The following SPTAN1 variants were observed in gnomAD, a reference collection of about 807,000 sequenced individuals.
SPTAN1 encodes the protein spectrin alpha chain, non-erythrocytic 1.
Under a neutral mutation model 331.3 loss-of-function variants are expected in SPTAN1, and 61 were observed. The observed-to-expected ratio is 0.18, with a 90% CI of 0.15 to 0.23. The LOEUF (loss-of-function observed/expected upper bound fraction) is 0.23. Among genes scored for constraint, SPTAN1 ranks in the 10% least tolerant of loss-of-function variants. The probability of loss-of-function intolerance (pLI) is 1.00; values close to 1 mark genes in which losing one functional copy is unlikely to be tolerated. For missense variants in SPTAN1, 2,043 were observed against 3,147.9 expected (o/e 0.65, Z 8.40); for synonymous variants, 1,153 against 1,173.9 (o/e 0.98, Z 0.36).
intron 40 of SPTAN1, among the ~76,000 whole-genome samples, chr9:128,613,802 G>A (rs150149688): frequency 1.5e-3 from 222 of 151,138 alleles, no homozygotes; most frequent in Non-Finnish European, 2.0e-3. Flanking sequence ...TCAGGAGTTC[G>A]AGACCACTCC....
Position 128,578,200 on chromosome 9 carries a change from T to C in SPTAN1, c.1176T>C (p.Asp392=), listed in dbSNP as rs758571561. The change falls in exon 9 of 57, where the codon GAT becomes GAC. Residue 392 remains aspartate, a synonymous_variant. Coordinates refer to ENST00000372739, the MANE Select transcript of SPTAN1 (RefSeq NM_001130438.3). ...ALINADELAS[D]VAGAEALLDR... is the part of the protein sequence containing the mutation. Reference sequence around the variant, plus strand: ...TCAATGCAGATGAGCTTGCCAGTGATGTGGCTGGGGCTGAAGCCCTGCTAG... The same window carrying C: ...TCAATGCAGATGAGCTTGCCAGTGACGTGGCTGGGGCTGAAGCCCTGCTAG... The C allele has an allele frequency of 6.2e-6, 10 of 1,614,164 alleles. No individual in the cohort carries two copies. Among genetic ancestry groups the C allele is most frequent in the Non-Finnish European group, 8.5e-6 (10 of 1,180,026 alleles).
chr9:128,608,088 C>A (rs781309417), intron 33 of SPTAN1, 39 bp downstream of exon 33: 4 of 1,614,156 alleles, frequency 2.5e-6, no homozygotes, highest in Non-Finnish European at 3.4e-6. Flanking sequence ...TGTTTCCTTG[C>A]TGAAGGGCCT....
intron 3 of SPTAN1, among the ~76,000 whole-genome samples, 197 bp from the exon 4 acceptor site, chr9:128,574,478 C>CA (rs1173716376): frequency 1.3e-5 from 2 of 151,690 alleles, no homozygotes; most frequent in African/African-American, 4.8e-5. Flanking sequence ...TGAAGACCAC[C>CA]AAAAAACCAC....
Position 128,615,760 on chromosome 9 carries a change from C to G in SPTAN1, c.5277C>G (p.Ala1759=), listed in dbSNP as rs1857089590. ...TCCAGAAGATCAAGAGCATGGCGGC[C>G]TCCCGGCGAGCCAAGCTGAATGAAT... ...GRFQKIKSMA[A]SRRAKLNESH... The change falls in exon 41 of 57, where the codon GCC becomes GCG. Residue 1759 remains alanine, a synonymous_variant. Transcript: ENST00000372739. 6.2e-7 allele frequency: 1 copy of G among 1,614,240 alleles called. No homozygotes were observed. The highest frequency in any genetic ancestry group is 8.5e-7 in the Non-Finnish European group (1 of 1,180,054).
intron 2 of SPTAN1, 116 bp from the exon 3 acceptor site, chr9:128,568,656 T>C: frequency 7.2e-7 from 1 of 1,395,820 alleles, no homozygotes; most frequent in Non-Finnish European, 9.9e-7. Context: ...TGCCAAATGA[T>C]GTATCCCTAA....
intron 23 of SPTAN1, 174 bp from the exon 24 acceptor site, chr9:128,594,001 G>A (rs1031848221): frequency 1.1e-4 from 76 of 691,284 alleles, no homozygotes; most frequent in Admixed American, 3.9e-4. Context: ...AGGCTGTGGC[G>A]TGGGTACTTG....
intron 24 of SPTAN1, among the ~76,000 whole-genome samples, chr9:128,594,949 C>T (rs1036665787): frequency 6.6e-6 from 1 of 151,356 alleles, no homozygotes; most frequent in Admixed American, 6.6e-5. Flanking sequence ...CTCAGCCTCC[C>T]GAGTAGCTCA....
chr9:128,586,324 G>C (rs1852635152), intron 19 of SPTAN1, among the ~76,000 whole-genome samples: 1 of 151,402 alleles, frequency 6.6e-6, no homozygotes, highest in African/African-American at 2.4e-5. Context: ...GTAGAGACAG[G>C]GTCTCGCTAT....
intron 1 of SPTAN1, among the ~76,000 whole-genome samples, chr9:128,565,718 C>A (rs890706368): frequency 6.6e-6 from 1 of 152,146 alleles, no homozygotes; most frequent in Admixed American, 6.6e-5. Context: ...TTGGGATAGA[C>A]GACAGGATAA....
chr9:128,587,881 C>T (rs1367918864), intron 20 of SPTAN1, among the ~76,000 whole-genome samples, 183 bp downstream of exon 20: 6 of 151,996 alleles, frequency 3.9e-5, no homozygotes, highest in Admixed American at 2.0e-4. Flanking sequence ...AGTCTCACTC[C>T]GTCGCCTAGG....
chr9:128,627,737 G>T lies in SPTAN1; in HGVS notation c.6690-188G>T. ...TTGTTAGAGATCCCGGATTGAGTGG[G>T]ACCATGCAGGGCGCGTGGTCAGCCC... On this transcript the variant is annotated intron_variant, in intron 50 of 56. Coordinates refer to ENST00000372739, the MANE Select transcript of SPTAN1 (RefSeq NM_001130438.3). The surrounding 1 kb of genome is among the most constrained non-coding windows in gnomAD (Gnocchi z 4.9). 1 of 830,396 alleles carries T rather than the reference G, an allele frequency of 1.2e-6. No homozygotes were observed. Among genetic ancestry groups the T allele is most frequent in the Non-Finnish European group, 2.1e-6 (1 of 483,020 alleles). 51.4% of individuals were successfully genotyped at this position (830,396 alleles called of 1,614,324 possible).
chr9:128,628,612 G>A (rs1033584176), intron 51 of SPTAN1: 16 of 196,740 alleles, frequency 8.1e-5, no homozygotes, highest in Admixed American at 5.8e-4. Flanking sequence ...CTGCCTGGCC[G>A]GGTCACCTTT....
At chr9:128,593,124 C>A in intron 23 of SPTAN1, 82 bp downstream of exon 23, 1 of 1,441,812 alleles carries the variant, frequency 6.9e-7, no homozygotes, top group Non-Finnish European at 9.6e-7. Flanking sequence ...TCTTGAAGGC[C>A]TTTGTCCATC....
chr9:128,632,483 A>AAGTG lies in SPTAN1; in HGVS notation c.7013+3_7013+6dup. The AAGTG allele has an allele frequency of 2.5e-6, 4 of 1,614,198 alleles. No individual in the cohort carries two copies. The highest frequency in any genetic ancestry group is 2.5e-6 in the Non-Finnish European group (3 of 1,180,024). ...CCTCAAAGAATTCAGCATGATGTTT[A>AAGTG]AGTGAGTTCAGCCTTACTCGCCCTG... is the stretch of plus-strand genomic sequence containing the variant. On this transcript the variant is annotated stop_gained and frameshift_variant and splice_region_variant, in exon 54 of 57. Transcript: ENST00000372739. LOFTEE classifies it high-confidence loss of function.
rs917705743 is a variant in SPTAN1, at chr9:128,633,062, C to T, written c.7308+107C>T. 2.5e-6 allele frequency: 4 copies of T among 1,591,716 alleles called. No homozygotes were observed. In the African/African-American group the frequency reaches 5.4e-5, roughly 21 times the overall value. On this transcript the variant is annotated intron_variant, in intron 56 of 56. Transcript: ENST00000372739. ...CAGGCCCTGCGCTGGGTATTCTCCC[C>T]ATTTACAAATCAAACTCAGTATGGA...
intron 31 of SPTAN1, 34 bp downstream of exon 31, chr9:128,605,511 A>G (rs1399858228): frequency 1.2e-6 from 2 of 1,613,616 alleles, no homozygotes; most frequent in Non-Finnish European, 8.5e-7. Flanking sequence ...CTTCTGGAAC[A>G]TAGAGCCTTC....
At chr9:128,609,782 C>T (rs1856365738) in intron 37 of SPTAN1, 117 bp downstream of exon 37, 1 of 660,632 alleles carries the variant, frequency 1.5e-6, no homozygotes, top group Non-Finnish European at 2.4e-6. Context: ...CTTCATCCAT[C>T]CTTTTCATTT....
At position 128,582,681 on chromosome 9, in the gene SPTAN1, C is replaced by T. The variant is rs1274793753; in HGVS notation, c.1651-13C>T. On this transcript the variant is annotated splice_polypyrimidine_tract_variant and intron_variant, in intron 13 of 56. Transcript: ENST00000372739. ...TGAACACTAGAGACTCACAGGGGAT[C>T]CTTGTCTTTCAGCTGTTGAGCCGCC... 2 of 1,612,528 alleles carry T rather than the reference C, an allele frequency of 1.2e-6. No individual in the cohort carries two copies. Among genetic ancestry groups the T allele is most frequent in the East Asian group, 4.5e-5 (2 of 44,894 alleles).
intron 14 of SPTAN1, 83 bp downstream of exon 14, chr9:128,582,932 G>A (rs765419678): frequency 1.0e-4 from 162 of 1,597,146 alleles, no homozygotes; most frequent in Non-Finnish European, 1.3e-4. Flanking sequence ...GCTAAAGGAC[G>A]AAATAAGGGA....
Sources: gnomAD v4.1 joint callset for allele counts (sites outside exome capture counted in the v4.1 genomes callset) on GRCh38, gnomAD v4.1.1 for gene constraint, Gnocchi (gnomAD v3.1) non-coding constraint, MANE v1.5 for transcripts, NCBI Gene and HGNC (gene_info 2026-07-23, HGNC 2026-07-21) for gene names.